The following UNC5D variants were observed in gnomAD, a reference collection of about 807,000 sequenced individuals.
UNC5D encodes netrin receptor UNC5D.
A neutral mutation model predicts 105.4 loss-of-function variants in UNC5D; 39 were observed. That is an observed-to-expected ratio of 0.37 (90% CI 0.29 to 0.48). The LOEUF is 0.48. Among genes scored for constraint, UNC5D ranks in the 20% least tolerant of loss-of-function variants. UNC5D has a pLI of 0.98. For synonymous variants in UNC5D, 452 were observed against 450.4 expected, an observed-to-expected ratio of 1.00 and a Z score of -0.04; for missense variants, 991 against 1,202.4, an observed-to-expected ratio of 0.82 and a Z score of 2.60.
At chr8:35,646,733 GATT>G (rs1421075451) in intron 4 of UNC5D, among the ~76,000 whole-genome samples, 1 of 152,006 alleles carries the variant, frequency 6.6e-6, no homozygotes, top group Non-Finnish European at 1.5e-5. Context: ...GATCACTGAT[GATT>G]ATTATTTGTC....
At chr8:35,408,329 T>A (rs1012477071) in intron 1 of UNC5D, among the ~76,000 whole-genome samples, 3 of 151,920 alleles carry the variant, frequency 2.0e-5, no homozygotes, top group Non-Finnish European at 4.4e-5. Flanking sequence ...ATTTATTTTT[T>A]TGGTTTAATA....
chr8:35,356,938 C>T (rs1029491461), intron 1 of UNC5D, among the ~76,000 whole-genome samples: 19 of 152,054 alleles, frequency 1.2e-4, no homozygotes, highest in Admixed American at 9.2e-4. Flanking sequence ...TTACCATCTA[C>T]CCAGAGTACC....
At chr8:35,553,397 A>G (rs900875556) in intron 2 of UNC5D, among the ~76,000 whole-genome samples, 1 of 152,178 alleles carries the variant, frequency 6.6e-6, no homozygotes, top group African/African-American at 2.4e-5. Context: ...ATTTCAAAGA[A>G]ACTGAGCAAA....
chr8:35,684,446 C>A, intron 5 of UNC5D, 136 bp from the exon 6 acceptor site: 1 of 943,352 alleles, frequency 1.1e-6, no homozygotes, highest in Non-Finnish European at 1.5e-6. Context: ...CATAATGGAG[C>A]AGCCAGTGGG....
chr8:35,335,756 ATTTT>A (rs35774459), intron 1 of UNC5D, among the ~76,000 whole-genome samples: 1 of 90,484 alleles, frequency 1.1e-5, no homozygotes, highest in Non-Finnish European at 2.0e-5. Context: ...AGAGATTGCA[ATTTT>A]TTTTTTTTTT....
At chr8:35,546,744 A>G (rs1325072925) in intron 1 of UNC5D, among the ~76,000 whole-genome samples, 1 of 152,238 alleles carries the variant, frequency 6.6e-6, no homozygotes, top group African/African-American at 2.4e-5. Context: ...ATTCAGTAAC[A>G]AAACAAATTA....
chr8:35,619,479 G>T (rs1345599466), intron 4 of UNC5D, among the ~76,000 whole-genome samples: 1 of 152,188 alleles, frequency 6.6e-6, no homozygotes, highest in Admixed American at 6.5e-5. Context: ...AAAGTGTCTT[G>T]TCTTCCATCC....
chr8:35,756,163 A>ATAAT (rs1161176303), intron 13 of UNC5D, among the ~76,000 whole-genome samples: 1 of 152,196 alleles, frequency 6.6e-6, no homozygotes, highest in Non-Finnish European at 1.5e-5. Context: ...TTTCATTTTA[A>ATAAT]TAATTGTTTT....
intron 3 of UNC5D, among the ~76,000 whole-genome samples, chr8:35,573,400 C>T (rs1441553808): frequency 2.0e-5 from 3 of 151,874 alleles, no homozygotes; most frequent in Non-Finnish European, 2.9e-5. Flanking sequence ...GCTATGATCG[C>T]GCCTGTGAAT....
At chr8:35,650,960 T>C (rs540829275) in intron 4 of UNC5D, among the ~76,000 whole-genome samples, 1 of 152,320 alleles carries the variant, frequency 6.6e-6, no homozygotes, top group African/African-American at 2.4e-5. Context: ...GGTAGTCTTC[T>C]TAGTCTGACA....
At chr8:35,580,984 C>T (rs1818441195) in intron 3 of UNC5D, among the ~76,000 whole-genome samples, 1 of 152,142 alleles carries the variant, frequency 6.6e-6, no homozygotes, top group African/African-American at 2.4e-5. Flanking sequence ...AGTTCTGGGA[C>T]CAACTATTCA....
intron 1 of UNC5D, among the ~76,000 whole-genome samples, chr8:35,547,282 ACT>A (rs1815759543): frequency 2.0e-5 from 2 of 102,078 alleles, no homozygotes; most frequent in Non-Finnish European, 3.8e-5. Flanking sequence ...ACAGAACATT[ACT>A]CTTTTTTTTT....
At chr8:35,305,020 C>A (rs1382684679) in intron 1 of UNC5D, among the ~76,000 whole-genome samples, 2 of 151,994 alleles carry the variant, frequency 1.3e-5, no homozygotes. Context: ...TGAAGCAGTG[C>A]CATTGATGAT....
intron 1 of UNC5D, among the ~76,000 whole-genome samples, chr8:35,408,169 A>T (rs1218858276): frequency 1.3e-5 from 2 of 152,144 alleles, no homozygotes; most frequent in Non-Finnish European, 2.9e-5. Flanking sequence ...ATTTGAATAA[A>T]TGCAATAAGA....
At chr8:35,774,178 C>T in intron 15 of UNC5D, 121 bp from the exon 16 acceptor site, 1 of 1,028,112 alleles carries the variant, frequency 9.7e-7, no homozygotes, top group Non-Finnish European at 1.4e-6. Context: ...TTTATAGAGT[C>T]CATCACAACA....
At chr8:35,495,260 CT>C (rs1391879770) in intron 1 of UNC5D, among the ~76,000 whole-genome samples, 2 of 151,902 alleles carry the variant, frequency 1.3e-5, no homozygotes, top group Non-Finnish European at 2.9e-5. Flanking sequence ...GTCAAAATAT[CT>C]TTTTTCTAGC....
rs560462012 is a variant in UNC5D, at chr8:35,497,796, A to T, written c.104-51496A>T. Among the ~76,000 whole-genome samples the T allele has an allele frequency of 1.9e-4, 29 of 152,194 alleles. No homozygotes were observed. In the South Asian group the frequency reaches 6.0e-3, roughly 32 times the overall value. On this transcript the variant is annotated intron_variant, in intron 1 of 16. Transcript: ENST00000404895. ...GAGATAAGAGGAAAATCGGCTGGGC[A>T]TGGTGGCTCACACCTGTAATCCAAG...
chr8:35,527,050 A>G (rs1813929629), intron 1 of UNC5D, among the ~76,000 whole-genome samples: 1 of 152,182 alleles, frequency 6.6e-6, no homozygotes, highest in South Asian at 2.1e-4. Flanking sequence ...AGATTTTTTA[A>G]AAAATGACAC....
At chr8:35,588,310 A>G (rs1818929515) in intron 3 of UNC5D, among the ~76,000 whole-genome samples, 1 of 152,152 alleles carries the variant, frequency 6.6e-6, no homozygotes, top group Non-Finnish European at 1.5e-5. Flanking sequence ...AGAGACTTGC[A>G]AGAAAAAAGT....
Sources: gnomAD v4.1 joint callset for allele counts (sites outside exome capture counted in the v4.1 genomes callset) on GRCh38, gnomAD v4.1.1 for gene constraint, MANE v1.5 for transcripts, NCBI Gene and HGNC (gene_info 2026-07-23, HGNC 2026-07-21) for gene names.